Variants in ANKS6 observed in about 807,000 individuals in gnomAD.
ANKS6 encodes ankyrin repeat and sterile alpha motif domain containing 6, also known as ankyrin repeat and SAM domain-containing protein 6.
In ANKS6, 47 loss-of-function variants were observed where a neutral mutation model predicts 77.9. The ratio of observed to expected loss-of-function variants is 0.60; its 90% confidence interval spans 0.48 to 0.77. The LOEUF is 0.77. Among genes scored for constraint, ANKS6 ranks in the 30% least tolerant of loss-of-function variants. The pLI, the probability that ANKS6 is intolerant of heterozygous loss-of-function variation, is 0.00. For synonymous variants in ANKS6, 488 were observed against 501.7 expected (o/e 0.97, Z 0.37); for missense variants, 1,150 against 1,159.1 (o/e 0.99, Z 0.11).
At chr9:98,736,837 T>G (rs1831528509) in intron 14 of ANKS6, among the ~76,000 whole-genome samples, 1 of 152,120 alleles carries the variant, frequency 6.6e-6, no homozygotes. Context: ...CTGTCAATGC[T>G]GGAGAGGCCC....
intron 1 of ANKS6, among the ~76,000 whole-genome samples, chr9:98,794,163 A>AG (rs1213710603): frequency 1.3e-5 from 2 of 151,478 alleles, no homozygotes; most frequent in Non-Finnish European, 2.9e-5. Flanking sequence ...AAAAAAAAAA[A>AG]AAGAACAGGA....
chr9:98,748,103 C>T (rs535797739), intron 13 of ANKS6, among the ~76,000 whole-genome samples: 1 of 152,386 alleles, frequency 6.6e-6, no homozygotes, highest in African/African-American at 2.4e-5. Context: ...TTCTGGGCAT[C>T]TGCATTTCCC....
At chr9:98,767,506 G>A (rs559374517) in intron 11 of ANKS6, among the ~76,000 whole-genome samples, 1 of 152,298 alleles carries the variant, frequency 6.6e-6, no homozygotes, top group Non-Finnish European at 1.5e-5. Context: ...GTGACTGCCT[G>A]TGTCCTTAGA....
intron 4 of ANKS6, among the ~76,000 whole-genome samples, chr9:98,783,016 G>A (rs1834359701): frequency 1.3e-5 from 2 of 151,926 alleles, no homozygotes; most frequent in Admixed American, 6.6e-5. Context: ...AGTCTGGGAG[G>A]TCAAGGCAGC....
chr9:98,745,539 C>A lies in ANKS6; in HGVS notation c.2511+20G>T, dbSNP rs770692184. On this transcript the variant is annotated intron_variant, in intron 14 of 14. Coordinates refer to ENST00000353234, the MANE Select transcript of ANKS6 (RefSeq NM_173551.5). ...CTCAGATGTCTGAAACACGGAAATACAAGAAACAGAGAACGGTACCTTGCC... is the reference window on the plus strand; with the variant it reads ...CTCAGATGTCTGAAACACGGAAATAAAAGAAACAGAGAACGGTACCTTGCC... 4.4e-6 allele frequency: 7 copies of A among 1,599,616 alleles called. No individual in the cohort carries two copies. The African/African-American group carries it at 9.4e-5, about 21-fold the overall frequency.
At chr9:98,769,978 C>G (rs966738951) in intron 10 of ANKS6, among the ~76,000 whole-genome samples, 3 of 152,082 alleles carry the variant, frequency 2.0e-5, no homozygotes, top group African/African-American at 7.2e-5. Context: ...TTGTTTTAGT[C>G]TCTTGGCTCA....
chr9:98,768,196 G>A lies in ANKS6; in HGVS notation c.2027C>T (p.Ala676Val). The A allele has an allele frequency of 1.2e-6, 2 of 1,614,116 alleles. No individual in the cohort carries two copies. The highest frequency in any genetic ancestry group is 4.5e-5 in the East Asian group (2 of 44,882). The change falls in exon 11 of 15, where the codon GCC (alanine) becomes GTC (valine). Residue 676 changes from alanine to valine, a missense_variant. Physicochemically the swap from Ala to Val is moderately conservative, Grantham distance 64. Transcript: ENST00000353234. ...SQIAAQRKKAAGLLEQKPSHR... is the reference protein window; with the variant it reads ...SQIAAQRKKAVGLLEQKPSHR... ...GCTGGGTTTCTGCTCCAATAATCCGGCTGCTTTTTTCCTCTGGGCAGCGAT... is the reference window on the plus strand; with the variant it reads ...GCTGGGTTTCTGCTCCAATAATCCGACTGCTTTTTTCCTCTGGGCAGCGAT...
At chr9:98,761,540 T>C (rs924377590) in intron 11 of ANKS6, among the ~76,000 whole-genome samples, 4 of 152,220 alleles carry the variant, frequency 2.6e-5, no homozygotes, top group African/African-American at 9.6e-5. Context: ...GGCAAAAGAT[T>C]TGAGTTCTGA....
chr9:98,754,469 G>A (rs1319618187), intron 12 of ANKS6, among the ~76,000 whole-genome samples: 1 of 152,014 alleles, frequency 6.6e-6, no homozygotes, highest in Non-Finnish European at 1.5e-5. Flanking sequence ...GTGAAACCCC[G>A]TCTCTACTAA....
At chr9:98,769,665 G>T (rs1038478327) in intron 10 of ANKS6, among the ~76,000 whole-genome samples, 1 of 152,208 alleles carries the variant, frequency 6.6e-6, no homozygotes, top group South Asian at 2.1e-4. Flanking sequence ...AACAGGCTCT[G>T]AAGTGAGACT....
At position 98,757,488 on chromosome 9, in the gene ANKS6, G is replaced by A. The variant is rs144605051; in HGVS notation, c.2143-885C>T. On this transcript the variant is annotated intron_variant, in intron 11 of 14. Coordinates refer to ENST00000353234, the MANE Select transcript of ANKS6 (RefSeq NM_173551.5). The stretch of plus-strand genomic sequence containing the variant: ...CCCATAATTAGATGTGCTTGTGAAT[G>A]TAGGGGGCAATGAAGTGATATGCCC... Among the ~76,000 whole-genome samples, 499 of 152,322 alleles carry A rather than the reference G, an allele frequency of 3.3e-3. 2 individuals are homozygous for A. The highest frequency in any genetic ancestry group is 0.011 in the African/African-American group (470 of 41,562).
chr9:98,781,692 A>G (rs895268890), intron 5 of ANKS6, among the ~76,000 whole-genome samples: 1 of 152,072 alleles, frequency 6.6e-6, no homozygotes. Context: ...GTGACGAGGA[A>G]GGGCATGCCT....
At position 98,768,226 on chromosome 9, in the gene ANKS6, G is replaced by A; in HGVS notation, c.1997C>T (p.Ser666Phe). 6.2e-7 allele frequency: 1 copy of A among 1,614,118 alleles called. No homozygotes were observed. The highest frequency in any genetic ancestry group is 8.5e-7 in the Non-Finnish European group (1 of 1,180,034). The change falls in exon 11 of 15, where the codon TCC becomes TTC. Residue 666 changes from serine (S) to phenylalanine (F), a missense_variant. Coordinates refer to ENST00000353234, the MANE Select transcript of ANKS6 (RefSeq NM_173551.5). ...RSGGSIDNVL[S>F]QIAAQRKKAA... is the part of the protein sequence containing the mutation. ...TTTTTTCCTCTGGGCAGCGATTTGG[G>A]ACAAGACATTGTCTATGCTGCCACC...
At chr9:98,772,154 A>C (rs1833675499) in intron 9 of ANKS6, among the ~76,000 whole-genome samples, 1 of 152,220 alleles carries the variant, frequency 6.6e-6, no homozygotes, top group Admixed American at 6.5e-5. Flanking sequence ...ATATGTGCTT[A>C]CCTAAGATGT....
At chr9:98,765,724 A>C (rs573689593) in intron 11 of ANKS6, among the ~76,000 whole-genome samples, 1 of 152,148 alleles carries the variant, frequency 6.6e-6, no homozygotes, top group South Asian at 2.1e-4. Flanking sequence ...ATTGGTGCAC[A>C]CTCTAACGCC....
chr9:98,769,061 AG>A (rs66967335), intron 10 of ANKS6, among the ~76,000 whole-genome samples: 106,238 of 149,968 alleles, frequency 0.71, 38,099 homozygotes, highest in African/African-American at 0.76. Flanking sequence ...CAGAAGGGGG[AG>A]GCTGCAGTGA....
chr9:98,789,192 C>T (rs1041731201), intron 2 of ANKS6, among the ~76,000 whole-genome samples: 2 of 152,152 alleles, frequency 1.3e-5, no homozygotes, highest in Admixed American at 1.3e-4. Flanking sequence ...TTCTTCAGTG[C>T]TTGACCTCTC....
At position 98,733,596 on chromosome 9, in the gene ANKS6, C is replaced by T. The variant is rs761896334; in HGVS notation, c.*2923G>A. ...TTGGTTGCCGCTGTTCCAGAAAAAG[C>T]GGGGCTTCTCCAATGGTGTCCAAGG... On this transcript the variant is annotated 3_prime_UTR_variant, in exon 15 of 15. Transcript: ENST00000353234. 8.6e-5 allele frequency: 85 copies of T among 985,484 alleles called. No individual in the cohort carries two copies. Among genetic ancestry groups the T allele is most frequent in the South Asian group, 4.7e-4 (10 of 21,284 alleles). The allele number at this position is 985,484 out of a possible 1,614,324, so 61.0% of individuals were successfully genotyped here.
chr9:98,770,904 T>TAA lies in ANKS6; in HGVS notation c.1963_1964insTT (p.Asn655IlefsTer8). ...CCTGCCCAGCTACTCACCTGAGCGG[T>TAA]TAAGCAGCTCCCCACCGTGCCGGCT... On this transcript the variant is annotated frameshift_variant, in exon 10 of 15. Transcript: ENST00000353234. LOFTEE classifies it high-confidence loss of function. 6.6e-7 allele frequency: 1 copy of TAA among 1,510,690 alleles called. No homozygotes were observed. The highest frequency in any genetic ancestry group is 8.9e-7 in the Non-Finnish European group (1 of 1,123,698). 93.6% of individuals were successfully genotyped at this position (1,510,690 alleles called of 1,614,324 possible). A position where few individuals can be genotyped will look rare whatever the true frequency, so the allele number is the denominator to read the frequency against.
Sources: allele counts gnomAD v4.1 joint callset (sites outside exome capture counted in the v4.1 genomes callset), GRCh38; gene constraint gnomAD v4.1.1; transcripts MANE v1.5; gene names NCBI Gene and HGNC (gene_info 2026-07-23, HGNC 2026-07-21).